The following CSMD1 variants were observed in gnomAD, a reference collection of about 807,000 sequenced individuals.
CSMD1 encodes CUB and sushi domain-containing protein 1.
Under a neutral mutation model 417.5 loss-of-function variants are expected in CSMD1, and 213 were observed. That is an observed-to-expected ratio of 0.51 (90% CI 0.46 to 0.57). The LOEUF (loss-of-function observed/expected upper bound fraction) is 0.57, where lower values mean the gene tolerates loss of function less well. Among genes scored for constraint, CSMD1 ranks in the 20% least tolerant of loss-of-function variants. The pLI, the probability that CSMD1 is intolerant of heterozygous loss-of-function variation, is 0.00. For missense variants in CSMD1, 6,923 were observed against 4,529.7 expected (o/e 1.53, Z -15.17); for synonymous variants, 2,862 against 1,736.8 (o/e 1.65, Z -16.11).
intron 38 of CSMD1, among the ~76,000 whole-genome samples, chr8:3,161,866 A>G (rs183913318): frequency 7.2e-5 from 11 of 152,304 alleles, no homozygotes; most frequent in African/African-American, 2.4e-4. Context: ...TCAAAGAGAC[A>G]GTGTTGATAT....
intron 1 of CSMD1, among the ~76,000 whole-genome samples, chr8:4,741,337 A>G (rs1810593331): frequency 1.3e-5 from 2 of 152,208 alleles, no homozygotes; most frequent in South Asian, 4.1e-4. Context: ...CTCTCAGACC[A>G]TACTATGTCT....
intron 2 of CSMD1, among the ~76,000 whole-genome samples, chr8:4,474,835 T>C (rs1800714379): frequency 6.6e-6 from 1 of 152,188 alleles, no homozygotes; most frequent in Non-Finnish European, 1.5e-5. Context: ...ACTTAATCAA[T>C]AGTAAATATA....
chr8:3,993,672 C>T (rs186734025), intron 5 of CSMD1, among the ~76,000 whole-genome samples: 2 of 152,274 alleles, frequency 1.3e-5, no homozygotes, highest in Admixed American at 6.5e-5. Flanking sequence ...AGAGCTTACA[C>T]CTTAAAAAAT....
chr8:4,845,648 A>G (rs562411412), intron 1 of CSMD1, among the ~76,000 whole-genome samples: 24 of 152,328 alleles, frequency 1.6e-4, no homozygotes, highest in African/African-American at 5.8e-4. Flanking sequence ...GTGTTGAAGA[A>G]GCACAGACGG....
intron 1 of CSMD1, among the ~76,000 whole-genome samples, chr8:4,924,334 CCT>C (rs1806706171): frequency 6.6e-6 from 1 of 152,100 alleles, no homozygotes; most frequent in Non-Finnish European, 1.5e-5. Context: ...AATGAATTTT[CCT>C]CTCAAGAATT....
At chr8:4,564,250 C>T (rs2617046) in intron 2 of CSMD1, among the ~76,000 whole-genome samples, 2,071 of 152,280 alleles carry the variant, frequency 0.014, 28 homozygotes, top group South Asian at 0.026. Flanking sequence ...AATATCCTTA[C>T]AGATAACAGT....
intron 3 of CSMD1, among the ~76,000 whole-genome samples, chr8:4,263,414 G>C (rs921380053): frequency 6.6e-6 from 1 of 152,106 alleles, no homozygotes; most frequent in Non-Finnish European, 1.5e-5. Context: ...TTACATTCAG[G>C]TAAACAAAAA....
chr8:3,427,781 G>C (rs577607043), intron 12 of CSMD1, among the ~76,000 whole-genome samples: 1 of 152,118 alleles, frequency 6.6e-6, no homozygotes, highest in South Asian at 2.1e-4. Flanking sequence ...AATTCAGAGA[G>C]GAAACAAGAG....
chr8:4,388,010 A>C (rs2128922303), intron 3 of CSMD1, among the ~76,000 whole-genome samples: 1 of 152,276 alleles, frequency 6.6e-6, no homozygotes, highest in East Asian at 1.9e-4. Flanking sequence ...AATTGAATCC[A>C]TTTACACCAA....
intron 3 of CSMD1, among the ~76,000 whole-genome samples, chr8:4,095,375 AC>A (rs1427037775): frequency 4.0e-5 from 6 of 150,328 alleles, no homozygotes; most frequent in Non-Finnish European, 7.4e-5. Flanking sequence ...TGATGTAGAA[AC>A]TAAAACAAAC....
chr8:3,107,608 G>GTTTTTC (rs1585367326), intron 45 of CSMD1, 110 bp downstream of exon 45: 1 of 681,242 alleles, frequency 1.5e-6, no homozygotes, highest in Admixed American at 2.8e-5. Context: ...TTCTGTTTTT[G>GTTTTTC]TTTCTCTGAC....
At chr8:3,740,949 C>T (rs1305705275) in intron 6 of CSMD1, among the ~76,000 whole-genome samples, 1 of 152,004 alleles carries the variant, frequency 6.6e-6, no homozygotes, top group Admixed American at 6.5e-5. Context: ...GGGGTAGTGG[C>T]TCACACCTGT....
chr8:4,662,340 A>T (rs1004321606), intron 1 of CSMD1, among the ~76,000 whole-genome samples: 1 of 152,204 alleles, frequency 6.6e-6, no homozygotes, highest in African/African-American at 2.4e-5. Flanking sequence ...GGGAAAGCAG[A>T]GGGGGCGATT....
intron 2 of CSMD1, among the ~76,000 whole-genome samples, chr8:4,591,640 G>A (rs1444548242): frequency 6.6e-6 from 1 of 152,174 alleles, no homozygotes; most frequent in Non-Finnish European, 1.5e-5. Flanking sequence ...CTGTCAGCAG[G>A]AGAGGGCATA....
intron 10 of CSMD1, among the ~76,000 whole-genome samples, chr8:3,516,200 A>T (rs536886335): frequency 6.6e-6 from 1 of 152,256 alleles, no homozygotes; most frequent in African/African-American, 2.4e-5. Context: ...AAATTTGAAT[A>T]TAACTGTCCT....
intron 54 of CSMD1, among the ~76,000 whole-genome samples, chr8:2,985,269 T>C (rs1017526629): frequency 6.6e-6 from 1 of 152,238 alleles, no homozygotes; most frequent in African/African-American, 2.4e-5. Context: ...CACTAGCTTC[T>C]GCCTAGTTCA....
chr8:3,670,462 T>C lies in CSMD1; in HGVS notation c.1009+37952A>G, dbSNP rs1798930759. On this transcript the variant is annotated intron_variant, in intron 7 of 69. Transcript: ENST00000635120. ...TTTATATATATATAAATATCCCATA[T>C]ATATGTATCCCATATATATATATCC... Among the ~76,000 whole-genome samples, 3 of 149,840 alleles carry C rather than the reference T, an allele frequency of 2.0e-5. No homozygotes were observed. In the Admixed American group the frequency reaches 2.0e-4, roughly 10 times the overall value.
chr8:3,681,342 C>G (rs892426784), intron 7 of CSMD1, among the ~76,000 whole-genome samples: 5 of 152,138 alleles, frequency 3.3e-5, no homozygotes, highest in African/African-American at 1.2e-4. Context: ...TCAGCAAAGT[C>G]TCAGGATACA....
Position 3,919,856 on chromosome 8 carries a change from AT to A in CSMD1, c.818+78046del, listed in dbSNP as rs200904970. On this transcript the variant is annotated intron_variant, in intron 5 of 69. Transcript: ENST00000635120. ...GTACAGATCATTCACCTCCTTGGTT[AT>A]TTTTTCCCCAAGTATTTCATTCTTT... Among the ~76,000 whole-genome samples, 744 of 152,030 alleles carry A rather than the reference AT, an allele frequency of 4.9e-3. 22 individuals are homozygous for A. Among genetic ancestry groups the A allele is most frequent in the Admixed American group, 0.043 (657 of 15,246 alleles).
Sources: gnomAD v4.1 joint callset for allele counts (sites outside exome capture counted in the v4.1 genomes callset) on GRCh38, gnomAD v4.1.1 for gene constraint, MANE v1.5 for transcripts, NCBI Gene and HGNC (gene_info 2026-07-23, HGNC 2026-07-21) for gene names.